The following NME7 variants were observed in gnomAD, a reference collection of about 807,000 sequenced individuals.
The protein encoded by NME7 is NME/NM23 family member 7, also known as nucleoside diphosphate kinase 7.
NME7 carries 41 observed loss-of-function variants against 49.1 expected under a neutral mutation model. The observed-to-expected ratio is 0.83, with a 90% CI of 0.65 to 1.08. NME7 has a LOEUF of 1.08. NME7 is among the 50% of genes least tolerant of loss of function. The pLI is 0.00. For synonymous variants in NME7, 139 were observed against 150.6 expected, an observed-to-expected ratio of 0.92 and a Z score of 0.56; for missense variants, 423 against 463.4, an observed-to-expected ratio of 0.91 and a Z score of 0.80.
chr1:169,208,157 T>C (rs1347497887), intron 10 of NME7, among the ~76,000 whole-genome samples: 1 of 152,180 alleles, frequency 6.6e-6, no homozygotes, highest in Non-Finnish European at 1.5e-5. Context: ...TATTTGATCG[T>C]AAATTTTTTT....
At chr1:169,165,276 T>G (rs115276037) in intron 11 of NME7, among the ~76,000 whole-genome samples, 1,843 of 151,378 alleles carry the variant, frequency 0.012, 40 homozygotes, top group African/African-American at 0.043. Flanking sequence ...AAGTAAAACA[T>G]GTTCTATAAT....
chr1:169,189,411 A>G (rs1660156429), intron 10 of NME7, among the ~76,000 whole-genome samples: 1 of 152,174 alleles, frequency 6.6e-6, no homozygotes, highest in Non-Finnish European at 1.5e-5. Flanking sequence ...GCTTTATTCA[A>G]TAAACTGTAT....
intron 6 of NME7, among the ~76,000 whole-genome samples, chr1:169,290,156 T>C (rs1650441980): frequency 6.6e-6 from 1 of 152,140 alleles, no homozygotes; most frequent in African/African-American, 2.4e-5. Context: ...GATTTCCTGG[T>C]AATTTCACTA....
rs1322238313 is a variant in NME7, at chr1:169,355,073, A to C, written c.3+12635T>G. ...ATATATAATATACTATATATTATAG[A>C]TATAATATATAATATACTATATATT... On this transcript the variant is annotated intron_variant, in intron 1 of 11. Transcript: ENST00000367811. 9.6e-5 allele frequency among the ~76,000 whole-genome samples: 6 copies of C among 62,788 alleles called. 1 individual carries two copies. Among genetic ancestry groups the C allele is most frequent in the African/African-American group, 2.0e-4 (3 of 15,196 alleles). 41.2% of individuals were successfully genotyped at this position (62,788 alleles called of 152,430 possible).
chr1:169,176,404 A>G (rs149822812), intron 10 of NME7, among the ~76,000 whole-genome samples: 59 of 152,248 alleles, frequency 3.9e-4, no homozygotes, highest in East Asian at 1.7e-3. Context: ...GAAAATACAT[A>G]AATTGTTTGT....
intron 7 of NME7, among the ~76,000 whole-genome samples, chr1:169,250,380 T>A (rs1424789740): frequency 6.6e-6 from 1 of 152,116 alleles, no homozygotes; most frequent in Non-Finnish European, 1.5e-5. Context: ...TAGCTAATGG[T>A]CTATCAACTT....
chr1:169,200,028 A>G (rs1175290315), intron 10 of NME7, among the ~76,000 whole-genome samples: 1 of 151,968 alleles, frequency 6.6e-6, no homozygotes, highest in Non-Finnish European at 1.5e-5. Flanking sequence ...CAACAAATAT[A>G]TACTGAAAGT....
In NME7 at chr1:169,237,930, A is replaced by C. The variant is rs572075055; in HGVS notation, c.755-243T>G. ...TCTGAGGTTTATGCAAAAAACTTTTAAGATAATATTTTGCCTTTAAAGCCC... is the reference window on the plus strand; with the variant it reads ...TCTGAGGTTTATGCAAAAAACTTTTCAGATAATATTTTGCCTTTAAAGCCC... On this transcript the variant is annotated intron_variant, in intron 7 of 11. Transcript: ENST00000367811. Among the ~76,000 whole-genome samples, 5 of 152,230 alleles carry C rather than the reference A, an allele frequency of 3.3e-5. No homozygotes were observed. The East Asian group carries it at 9.6e-4, about 29-fold the overall frequency.
At chr1:169,201,373 T>A (rs923719068) in intron 10 of NME7, among the ~76,000 whole-genome samples, 6 of 152,170 alleles carry the variant, frequency 3.9e-5, no homozygotes, top group Non-Finnish European at 8.8e-5. Flanking sequence ...AGCAGGGGCA[T>A]AATATGACTA....
intron 3 of NME7, among the ~76,000 whole-genome samples, chr1:169,315,295 C>T (rs1348612503): frequency 6.8e-6 from 1 of 146,796 alleles, no homozygotes; most frequent in Non-Finnish European, 1.5e-5. Flanking sequence ...GATGGAGTCT[C>T]GCTGTGTCAC....
At chr1:169,294,566 T>C (rs1293961992) in intron 6 of NME7, among the ~76,000 whole-genome samples, 1 of 152,116 alleles carries the variant, frequency 6.6e-6, no homozygotes. Context: ...GTTTTTCAAT[T>C]TTTTAAGACC....
rs991000844 is a variant in NME7, at chr1:169,256,565, G to A, written c.755-18878C>T. On this transcript the variant is annotated intron_variant, in intron 7 of 11. Coordinates refer to ENST00000367811, the MANE Select transcript of NME7 (RefSeq NM_013330.5). ...GTCTGAAGCCTTCTTCTCTCAGCTC[G>A]TCAAAGTCATTCTCCATCCAGCTTT... Among the ~76,000 whole-genome samples the A allele has an allele frequency of 4.5e-5, 6 of 132,576 alleles. 1 individual carries two copies. The highest frequency in any genetic ancestry group is 2.1e-4 in the East Asian group (1 of 4,832). 87.0% of individuals were successfully genotyped at this position (132,576 alleles called of 152,430 possible).
chr1:169,245,691 G>A (rs1648284642), intron 7 of NME7, among the ~76,000 whole-genome samples: 1 of 151,860 alleles, frequency 6.6e-6, no homozygotes, highest in Non-Finnish European at 1.5e-5. Context: ...TAAATCTAGT[G>A]AAATAAAATT....
At chr1:169,210,550 A>C (rs1328890723) in intron 10 of NME7, among the ~76,000 whole-genome samples, 3 of 151,988 alleles carry the variant, frequency 2.0e-5, no homozygotes, top group Non-Finnish European at 4.4e-5. Context: ...CTTCTGTGGT[A>C]GTTTCAGATG....
intron 10 of NME7, among the ~76,000 whole-genome samples, chr1:169,219,469 T>G (rs1189053024): frequency 6.6e-6 from 1 of 152,158 alleles, no homozygotes; most frequent in Non-Finnish European, 1.5e-5. Flanking sequence ...GATTTTGGTG[T>G]CTGAGGGGGT....
rs571262155 is a variant in NME7, at chr1:169,252,420, C to T, written c.755-14733G>A. Among the ~76,000 whole-genome samples the T allele has an allele frequency of 2.0e-5, 3 of 151,882 alleles. No homozygotes were observed. In the East Asian group the frequency reaches 5.8e-4, roughly 30 times the overall value. ...TTTTGATGGGGTTGTTTGTTTTTTT[C>T]TTAAAAATTTGTTTGAGTTCATTGT... On this transcript the variant is annotated intron_variant, in intron 7 of 11. Transcript: ENST00000367811.
At chr1:169,143,603 G>C (rs1658669269) in intron 11 of NME7, among the ~76,000 whole-genome samples, 1 of 152,174 alleles carries the variant, frequency 6.6e-6, no homozygotes, top group African/African-American at 2.4e-5. Flanking sequence ...GCCCTGAATG[G>C]AATGTGTGTC....
At chr1:169,252,337 T>G (rs1012599467) in intron 7 of NME7, among the ~76,000 whole-genome samples, 2 of 152,118 alleles carry the variant, frequency 1.3e-5, no homozygotes, top group Non-Finnish European at 2.9e-5. Flanking sequence ...TTTCATGTGT[T>G]TTTTGGCAGC....
chr1:169,145,745 C>T (rs1044385059), intron 11 of NME7, among the ~76,000 whole-genome samples: 1 of 152,040 alleles, frequency 6.6e-6, no homozygotes, highest in African/African-American at 2.4e-5. Flanking sequence ...TGTATGTTGA[C>T]CCGAATTTAA....
Sources: allele counts gnomAD v4.1 joint callset (sites outside exome capture counted in the v4.1 genomes callset), GRCh38; gene constraint gnomAD v4.1.1; transcripts MANE v1.5; gene names NCBI Gene and HGNC (gene_info 2026-07-23, HGNC 2026-07-21).